DNER: variants seen among roughly 807,000 people sequenced by gnomAD.
DNER encodes the protein delta/notch like EGF repeat containing.
DNER carries 33 observed loss-of-function variants against 78.2 expected under a neutral mutation model. The observed-to-expected ratio is 0.42, with a 90% CI of 0.32 to 0.56. The LOEUF (loss-of-function observed/expected upper bound fraction) is 0.56, where lower values mean the gene tolerates loss of function less well. Among genes scored for constraint, DNER ranks in the 20% least tolerant of loss-of-function variants. The pLI is 0.11. For synonymous variants in DNER, 417 were observed against 384.8 expected (o/e 1.08, Z -0.98); for missense variants, 918 against 975.3 (o/e 0.94, Z 0.78).
At chr2:229,642,658 G>A (rs1574940431) in intron 1 of DNER, among the ~76,000 whole-genome samples, 1 of 152,210 alleles carries the variant, frequency 6.6e-6, no homozygotes, top group African/African-American at 2.4e-5. Context: ...CTTCCTGTAA[G>A]GAGATTGTGT....
At chr2:229,705,366 C>T (rs372427659) in intron 1 of DNER, among the ~76,000 whole-genome samples, 5 of 152,210 alleles carry the variant, frequency 3.3e-5, no homozygotes, top group Non-Finnish European at 7.3e-5. Flanking sequence ...TATTTCCAAG[C>T]GCCTTTCTTT....
chr2:229,593,778 C>T (rs1356057453), intron 1 of DNER, among the ~76,000 whole-genome samples: 2 of 152,218 alleles, frequency 1.3e-5, no homozygotes, highest in African/African-American at 4.8e-5. Context: ...GAATTTTATT[C>T]ACGTGAACAA....
At chr2:229,442,747 C>T (rs762273515) in intron 8 of DNER, among the ~76,000 whole-genome samples, 3 of 152,054 alleles carry the variant, frequency 2.0e-5, no homozygotes, top group Non-Finnish European at 2.9e-5. Flanking sequence ...CAAATATTAT[C>T]GGACTACTGA....
chr2:229,506,582 C>T lies in DNER; in HGVS notation c.1147+6201G>A, dbSNP rs910552346. Among the ~76,000 whole-genome samples the T allele has an allele frequency of 5.4e-5, 8 of 148,850 alleles. No individual in the cohort carries two copies. In the East Asian group the frequency reaches 1.6e-3, roughly 30 times the overall value. On this transcript the variant is annotated intron_variant, in intron 6 of 12. Coordinates refer to ENST00000341772, the MANE Select transcript of DNER (RefSeq NM_139072.4). ...ATGTGCACAATGTGCAGGTTAGTTACATATGTGTACATGTGCCATGTTGGT... is the reference window on the plus strand; with the variant it reads ...ATGTGCACAATGTGCAGGTTAGTTATATATGTGTACATGTGCCATGTTGGT...
In DNER at chr2:229,512,949, A is replaced by G. The variant is rs1163288571; in HGVS notation, c.994-13T>C. On this transcript the variant is annotated splice_polypyrimidine_tract_variant and intron_variant, in intron 5 of 12. Transcript: ENST00000341772. ...AGGAAAAAGTTGCCTAAAACACAAA[A>G]AAAGCACAGTGTCTATTACCTGGCA... 1 of 1,612,616 alleles carries G rather than the reference A, an allele frequency of 6.2e-7. No individual in the cohort carries two copies. Among genetic ancestry groups the G allele is most frequent in the East Asian group, 2.2e-5 (1 of 44,844 alleles).
At chr2:229,532,173 T>C (rs949872006) in intron 5 of DNER, among the ~76,000 whole-genome samples, 6 of 152,198 alleles carry the variant, frequency 3.9e-5, no homozygotes, top group African/African-American at 1.4e-4. Context: ...ACCTCCATTT[T>C]TAAAATGTAG....
At chr2:229,706,658 C>T (rs780573552) in intron 1 of DNER, among the ~76,000 whole-genome samples, 60 of 152,228 alleles carry the variant, frequency 3.9e-4, no homozygotes, top group South Asian at 8.3e-4. Flanking sequence ...ACAGACAACA[C>T]TTACGCAAAC....
In DNER at chr2:229,573,265, C is replaced by T. The variant is rs191238312; in HGVS notation, c.847+12593G>A. ...GTGAGGATTGCTTGTGAAGAATGCA[C>T]GTGAATACCAAAAATATCATGGCAT... On this transcript the variant is annotated intron_variant, in intron 4 of 12. Coordinates refer to ENST00000341772, the MANE Select transcript of DNER (RefSeq NM_139072.4). 8.5e-5 allele frequency among the ~76,000 whole-genome samples: 13 copies of T among 152,268 alleles called. No homozygotes were observed. In the East Asian group the frequency reaches 1.5e-3, roughly 18 times the overall value.
At chr2:229,456,868 A>G (rs985140718) in intron 7 of DNER, among the ~76,000 whole-genome samples, 5 of 152,160 alleles carry the variant, frequency 3.3e-5, no homozygotes, top group African/African-American at 1.2e-4. Context: ...AATGTCACAG[A>G]CAAGCTGCTG....
intron 9 of DNER, among the ~76,000 whole-genome samples, chr2:229,410,853 A>G (rs1693498419): frequency 6.6e-6 from 1 of 152,232 alleles, no homozygotes; most frequent in African/African-American, 2.4e-5. Flanking sequence ...TCTCCAAGAA[A>G]CGAAGCCAGT....
intron 8 of DNER, among the ~76,000 whole-genome samples, chr2:229,434,652 G>A (rs1021198976): frequency 1.3e-5 from 2 of 151,974 alleles, no homozygotes; most frequent in Non-Finnish European, 1.5e-5. Context: ...TTTTTATTTG[G>A]TGACTTAAGA....
At chr2:229,577,987 A>G (rs2154214218) in intron 4 of DNER, among the ~76,000 whole-genome samples, 1 of 152,342 alleles carries the variant, frequency 6.6e-6, no homozygotes, top group Non-Finnish European at 1.5e-5. Flanking sequence ...AGAAATACAT[A>G]AGATTAAAGA....
rs1693414634 is a variant in DNER, at chr2:229,407,495, A to G, written c.1610-150T>C. On this transcript the variant is annotated intron_variant, in intron 9 of 12. Coordinates refer to ENST00000341772, the MANE Select transcript of DNER (RefSeq NM_139072.4). The stretch of plus-strand genomic sequence containing the variant: ...TGAGTGTATACACACGTGCCCACTC[A>G]TGATTTTAGATTGTTGTAAAAACTT... The G allele has an allele frequency of 1.1e-5, 6 of 536,492 alleles. No homozygotes were observed. In the South Asian group the frequency reaches 1.6e-4, roughly 14 times the overall value. The allele number at this position is 536,492 out of a possible 1,614,324, so 33.2% of individuals were successfully genotyped here. A position where few individuals can be genotyped will look rare whatever the true frequency, so the allele number is the denominator to read the frequency against.
chr2:229,577,645 CAAA>C (rs930560875), intron 4 of DNER, among the ~76,000 whole-genome samples: 1 of 151,642 alleles, frequency 6.6e-6, no homozygotes, highest in African/African-American at 2.4e-5. Flanking sequence ...AAAAAAAAAA[CAAA>C]GAAGTGTGGA....
chr2:229,534,047 T>C (rs1265558196), intron 5 of DNER, among the ~76,000 whole-genome samples: 1 of 152,214 alleles, frequency 6.6e-6, no homozygotes, highest in Non-Finnish European at 1.5e-5. Flanking sequence ...AACCCATTCA[T>C]GGGCAAAAGA....
chr2:229,423,825 A>G (rs752852941), intron 8 of DNER, among the ~76,000 whole-genome samples: 6 of 152,198 alleles, frequency 3.9e-5, no homozygotes, highest in African/African-American at 7.2e-5. Flanking sequence ...TTTTCTGACA[A>G]TGCTATTTAC....
intron 1 of DNER, among the ~76,000 whole-genome samples, chr2:229,630,749 C>A (rs1698421696): frequency 6.6e-6 from 1 of 152,044 alleles, no homozygotes; most frequent in South Asian, 2.1e-4. Context: ...AGGTAGTGAG[C>A]ATAGTATCCA....
intron 8 of DNER, among the ~76,000 whole-genome samples, chr2:229,429,819 T>A (rs992413770): frequency 2.0e-5 from 3 of 152,224 alleles, no homozygotes; most frequent in African/African-American, 2.4e-5. Flanking sequence ...TTTGGCTTTT[T>A]AAAACCTACC....
At chr2:229,431,200 T>G (rs980479251) in intron 8 of DNER, among the ~76,000 whole-genome samples, 2 of 152,156 alleles carry the variant, frequency 1.3e-5, no homozygotes, top group Non-Finnish European at 2.9e-5. Context: ...TGGAGTTATC[T>G]CCTTAAAAAT....
Sources: allele counts gnomAD v4.1 joint callset (sites outside exome capture counted in the v4.1 genomes callset), GRCh38; gene constraint gnomAD v4.1.1; transcripts MANE v1.5; gene names NCBI Gene and HGNC (gene_info 2026-07-23, HGNC 2026-07-21).